The following NPSR1 variants were observed in gnomAD, a reference collection of about 807,000 sequenced individuals.
NPSR1 encodes neuropeptide S receptor.
A neutral mutation model predicts 46.9 loss-of-function variants in NPSR1; 48 were observed. The observed-to-expected ratio is 1.02, with a 90% confidence interval of 0.81 to 1.30. The LOEUF (loss-of-function observed/expected upper bound fraction) is 1.30. Among genes scored for constraint, NPSR1 ranks in the 50% most tolerant of loss-of-function variants. The pLI is 0.00. For missense variants in NPSR1, 450 were observed against 449.5 expected (o/e 1.00, Z -0.01); for synonymous variants, 176 against 168.1 (o/e 1.05, Z -0.36).
intron 1 of NPSR1, among the ~76,000 whole-genome samples, chr7:34,681,642 G>A (rs757301514): frequency 2.0e-5 from 3 of 152,160 alleles, no homozygotes; most frequent in Non-Finnish European, 2.9e-5. Flanking sequence ...GGCCATCCCA[G>A]CCTCCAGCAT....
chr7:34,684,761 CAAA>C (rs11290993), intron 2 of NPSR1, 77 bp downstream of exon 2: 1,105 of 945,484 alleles, frequency 1.2e-3, no homozygotes, highest in African/African-American at 2.8e-3. Context: ...TGAATTTTAT[CAAA>C]AAAAAAAAAA....
intron 6 of NPSR1, among the ~76,000 whole-genome samples, chr7:34,840,817 G>A (rs2128762391): frequency 6.6e-6 from 1 of 152,264 alleles, no homozygotes; most frequent in Admixed American, 6.5e-5. Context: ...TCACCATAGA[G>A]GCACAGGCGG....
At chr7:34,767,832 T>C (rs940926248) in intron 2 of NPSR1, among the ~76,000 whole-genome samples, 2 of 151,882 alleles carry the variant, frequency 1.3e-5, no homozygotes, top group Non-Finnish European at 2.9e-5. Flanking sequence ...CAAATAAAGG[T>C]AAAGAAGAAA....
chr7:34,815,818 G>A (rs1789218988), intron 4 of NPSR1, among the ~76,000 whole-genome samples: 1 of 152,128 alleles, frequency 6.6e-6, no homozygotes, highest in Admixed American at 6.5e-5. Context: ...GCCAAACTAA[G>A]TTTCATAAGT....
At chr7:34,794,985 G>A (rs1048974314) in intron 3 of NPSR1, among the ~76,000 whole-genome samples, 6 of 152,054 alleles carry the variant, frequency 3.9e-5, no homozygotes, top group African/African-American at 1.4e-4. Flanking sequence ...GCTACAGTGA[G>A]CTATGATTGT....
intron 1 of NPSR1, among the ~76,000 whole-genome samples, chr7:34,673,941 T>C (rs1210143405): frequency 6.6e-6 from 1 of 151,856 alleles, no homozygotes; most frequent in Non-Finnish European, 1.5e-5. Context: ...CAACAGGAGG[T>C]CGTGATGACA....
intron 2 of NPSR1, chr7:34,751,725 G>T: frequency 6.3e-7 from 1 of 1,584,316 alleles, no homozygotes; most frequent in Non-Finnish European, 8.7e-7. Context: ...ACTCCTTCGG[G>T]TCCCCCTGAC....
intron 4 of NPSR1, among the ~76,000 whole-genome samples, chr7:34,817,529 T>C (rs963677701): frequency 1.1e-5 from 1 of 90,906 alleles, no homozygotes; most frequent in African/African-American, 4.5e-5. Context: ...ACTATTCCAA[T>C]CAATAGAAAA....
chr7:34,686,446 G>A (rs972136816), intron 2 of NPSR1, among the ~76,000 whole-genome samples: 3 of 152,076 alleles, frequency 2.0e-5, no homozygotes, highest in Non-Finnish European at 4.4e-5. Flanking sequence ...AAGGAGGTGA[G>A]AATACATACC....
chr7:34,682,589 T>A (rs1186003819), intron 1 of NPSR1, among the ~76,000 whole-genome samples: 2 of 152,122 alleles, frequency 1.3e-5, no homozygotes, highest in Non-Finnish European at 2.9e-5. Context: ...AAATCACTTG[T>A]TTATGTCCCA....
At position 34,687,765 on chromosome 7, in the gene NPSR1, G is replaced by A. The variant is rs34724449; in HGVS notation, c.280+3081G>A. On this transcript the variant is annotated intron_variant, in intron 2 of 8. Coordinates refer to ENST00000360581, the MANE Select transcript of NPSR1 (RefSeq NM_207172.2). The stretch of plus-strand genomic sequence containing the variant: ...TTTTGAAGTGGTTTTAGGCCAATAC[G>A]CCTACCTACAATAATTAGAAAAGCT... Among the ~76,000 whole-genome samples the A allele has an allele frequency of 6.1e-3, 929 of 152,210 alleles. 8 individuals carry two copies. The highest frequency in any genetic ancestry group is 0.034 in the Middle Eastern group (10 of 292).
At chr7:34,815,927 G>A (rs1376108695) in intron 4 of NPSR1, among the ~76,000 whole-genome samples, 1 of 152,076 alleles carries the variant, frequency 6.6e-6, no homozygotes, top group East Asian at 1.9e-4. Flanking sequence ...CACTAAATAT[G>A]GAAAGGAACA....
Position 34,658,534 on chromosome 7 carries a change from G to A in NPSR1, c.122G>A (p.Trp41Ter), listed in dbSNP as rs1480538286. ...TFTEVVEGKE[W>*]GSFYYSFKTE... ...ACTGAAGTGGTGGAAGGAAAGGAAT[G>A]GGGTTCCTTCTACTACTCCTTTAAG... Residue 41 changes from tryptophan (W) to a stop codon, truncating the protein, a stop_gained, in exon 1 of 9, where the codon TGG becomes TAG. Transcript: ENST00000360581. LOFTEE classifies it high-confidence loss of function. 6.2e-7 allele frequency: 1 copy of A among 1,613,942 alleles called. No individual in the cohort carries two copies. The highest frequency in any genetic ancestry group is 1.3e-5 in the African/African-American group (1 of 74,924).
intron 8 of NPSR1, among the ~76,000 whole-genome samples, chr7:34,875,950 C>T (rs1270635047): frequency 6.6e-5 from 10 of 152,162 alleles, no homozygotes; most frequent in Non-Finnish European, 1.3e-4. Flanking sequence ...TGAGCCCCAC[C>T]ACCCTCCTCA....
intron 8 of NPSR1, 165 bp from the exon 9 acceptor site, chr7:34,849,400 G>T (rs932967600): frequency 1.4e-5 from 22 of 1,555,854 alleles, no homozygotes; most frequent in Non-Finnish European, 1.7e-5. Context: ...GAGAAGGAGA[G>T]CTGTGAGTCA....
At chr7:34,664,621 A>ATTTTTT (rs1554302146) in intron 1 of NPSR1, among the ~76,000 whole-genome samples, 1,643 of 83,824 alleles carry the variant, frequency 0.02, 31 homozygotes, top group African/African-American at 0.12. Flanking sequence ...TTTTTTAAAA[A>ATTTTTT]AAAAAAATGA....
intron 7 of NPSR1, 136 bp downstream of exon 7, chr7:34,845,118 A>G: frequency 1.5e-6 from 1 of 688,288 alleles, no homozygotes. Flanking sequence ...AATGTGTGAA[A>G]CTCATCAGCC....
At chr7:34,675,920 T>A (rs529764069) in intron 1 of NPSR1, among the ~76,000 whole-genome samples, 3 of 152,350 alleles carry the variant, frequency 2.0e-5, no homozygotes, top group Admixed American at 6.5e-5. Flanking sequence ...TTGGACCATC[T>A]GGCTGGAATT....
At chr7:34,727,298 T>G (rs543834289) in intron 2 of NPSR1, among the ~76,000 whole-genome samples, 2 of 152,318 alleles carry the variant, frequency 1.3e-5, no homozygotes, top group African/African-American at 4.8e-5. Flanking sequence ...AATTCATTTA[T>G]AAACAGGATC....
Sources: allele counts gnomAD v4.1 joint callset (sites outside exome capture counted in the v4.1 genomes callset), GRCh38; gene constraint gnomAD v4.1.1; transcripts MANE v1.5; gene names NCBI Gene and HGNC (gene_info 2026-07-23, HGNC 2026-07-21).